FOXP1: variants seen among roughly 807,000 people sequenced by gnomAD.
FOXP1 encodes the protein forkhead box protein P1.
A neutral mutation model predicts 98.2 loss-of-function variants in FOXP1; 15 were observed. That is an observed-to-expected ratio of 0.15 (90% confidence interval 0.10 to 0.24). The LOEUF (loss-of-function observed/expected upper bound fraction) is 0.24, where lower values mean the gene tolerates loss of function less well. Ranked by LOEUF, FOXP1 falls within the 10% of genes least tolerant of loss-of-function variation. FOXP1 has a pLI of 1.00. For missense variants in FOXP1, 633 were observed against 848.5 expected (o/e 0.75, Z 3.15); for synonymous variants, 371 against 314.5 (o/e 1.18, Z -1.90).
In FOXP1 at chr3:71,504,736, G is replaced by A. The variant is rs80035146; in HGVS notation, c.-297-11181C>T. 3.3e-5 allele frequency among the ~76,000 whole-genome samples: 5 copies of A among 152,238 alleles called. No homozygotes were observed. In the East Asian group the frequency reaches 9.7e-4, roughly 29 times the overall value. On this transcript the variant is annotated intron_variant, in intron 2 of 20. Coordinates refer to ENST00000649528, the MANE Select transcript of FOXP1 (RefSeq NM_001349338.3). ...ACAATGTCATCAAGAAAAGTGTCAC[G>A]GAGCCCAAGTGGTGACATTTCTGTT...
intron 6 of FOXP1, among the ~76,000 whole-genome samples, chr3:71,176,743 C>CAAAAAAA (rs573639526): frequency 1.5e-4 from 11 of 75,546 alleles, no homozygotes; most frequent in African/African-American, 6.8e-4. Flanking sequence ...GAGGCTATCT[C>CAAAAAAA]AAAAAAAAAA....
At chr3:71,412,551 G>A (rs145894560) in intron 3 of FOXP1, among the ~76,000 whole-genome samples, 5 of 152,110 alleles carry the variant, frequency 3.3e-5, no homozygotes, top group Admixed American at 6.5e-5. Flanking sequence ...GCATAAGAAC[G>A]CCCAACTACC....
At chr3:71,467,535 T>G (rs1369730736) in intron 3 of FOXP1, among the ~76,000 whole-genome samples, 2 of 152,220 alleles carry the variant, frequency 1.3e-5, no homozygotes, top group African/African-American at 4.8e-5. Flanking sequence ...GTTCAAGGTG[T>G]GTCCTCAGCC....
At chr3:71,147,908 T>C (rs2060388073) in intron 6 of FOXP1, among the ~76,000 whole-genome samples, 1 of 152,188 alleles carries the variant, frequency 6.6e-6, no homozygotes, top group Admixed American at 6.5e-5. Flanking sequence ...AGAATTATGT[T>C]AAAACTGAAT....
chr3:71,468,751 T>C (rs2106641492), intron 3 of FOXP1, among the ~76,000 whole-genome samples: 1 of 152,348 alleles, frequency 6.6e-6, no homozygotes, highest in African/African-American at 2.4e-5. Flanking sequence ...GACTCTTTCA[T>C]GGACTCTCAT....
intron 4 of FOXP1, among the ~76,000 whole-genome samples, chr3:71,315,100 A>G (rs796617903): frequency 0.021 from 3,029 of 141,236 alleles, 126 homozygotes; most frequent in African/African-American, 0.074. Flanking sequence ...AAAAAAAAAA[A>G]AAAAAAAGAA....
intron 6 of FOXP1, among the ~76,000 whole-genome samples, chr3:71,197,033 T>C (rs1167595377): frequency 2.6e-5 from 4 of 152,344 alleles, no homozygotes; most frequent in Admixed American, 2.6e-4. Flanking sequence ...TCATTCCTTA[T>C]TCCTTAAAAA....
At chr3:71,392,110 T>C (rs966557898) in intron 3 of FOXP1, among the ~76,000 whole-genome samples, 2 of 152,228 alleles carry the variant, frequency 1.3e-5, no homozygotes, top group African/African-American at 4.8e-5. Context: ...TGGGTTATGA[T>C]ATCAGATTGG....
rs1274162147 is a variant in FOXP1, at chr3:71,195,478, A to G, written c.180+2724T>C. Among the ~76,000 whole-genome samples the G allele has an allele frequency of 6.6e-5, 10 of 152,318 alleles. No homozygotes were observed. The East Asian group carries it at 1.7e-3, about 26-fold the overall frequency. ...ATTCAATATAACACACAGCGTAATT[A>G]ACTCGTTTTTATACCAGGCCCTTTT... On this transcript the variant is annotated intron_variant, in intron 6 of 20. Coordinates refer to ENST00000649528, the MANE Select transcript of FOXP1 (RefSeq NM_001349338.3).
chr3:70,995,425 T>G (rs961707894), intron 13 of FOXP1, among the ~76,000 whole-genome samples: 1 of 152,234 alleles, frequency 6.6e-6, no homozygotes, highest in African/African-American at 2.4e-5. Flanking sequence ...ATGGGAACTT[T>G]GCTCCATTCC....
chr3:71,210,161 T>C (rs981740207), intron 5 of FOXP1, among the ~76,000 whole-genome samples: 3 of 152,256 alleles, frequency 2.0e-5, no homozygotes, highest in Non-Finnish European at 2.9e-5. Context: ...TGTGTTGGTC[T>C]GCCCCAACCC....
intron 3 of FOXP1, among the ~76,000 whole-genome samples, chr3:71,411,477 C>T (rs1462018276): frequency 1.3e-5 from 2 of 152,174 alleles, no homozygotes; most frequent in African/African-American, 2.4e-5. Flanking sequence ...CATCCGCCAC[C>T]ATGCCCGGCT....
At chr3:71,550,340 C>T (rs1021968486) in intron 2 of FOXP1, among the ~76,000 whole-genome samples, 1 of 152,210 alleles carries the variant, frequency 6.6e-6, no homozygotes, top group African/African-American at 2.4e-5. Flanking sequence ...CCGCTGTTGA[C>T]CGTGAGCTAA....
At chr3:71,190,175 C>T (rs1297773246) in intron 6 of FOXP1, among the ~76,000 whole-genome samples, 1 of 152,142 alleles carries the variant, frequency 6.6e-6, no homozygotes, top group Admixed American at 6.5e-5. Context: ...CACCATCTTC[C>T]CATCTTCCTA....
intron 7 of FOXP1, among the ~76,000 whole-genome samples, chr3:71,097,527 G>A (rs2056579047): frequency 6.6e-6 from 1 of 152,164 alleles, no homozygotes; most frequent in Admixed American, 6.5e-5. Context: ...ATCATAAAAA[G>A]TTCCAAGCAA....
intron 4 of FOXP1, among the ~76,000 whole-genome samples, 162 bp downstream of exon 4, chr3:71,358,988 G>T (rs1426073449): frequency 6.6e-6 from 1 of 152,150 alleles, no homozygotes; most frequent in African/African-American, 2.4e-5. Flanking sequence ...AGCTATCATG[G>T]GGGGTAGCAG....
intron 4 of FOXP1, among the ~76,000 whole-genome samples, chr3:71,331,457 G>A (rs545788054): frequency 4.9e-5 from 7 of 143,286 alleles, no homozygotes; most frequent in Middle Eastern, 3.5e-3. Context: ...CAGTCCCATC[G>A]ACCGCCCAAG....
At chr3:71,012,822 C>A (rs1576148772) in intron 12 of FOXP1, among the ~76,000 whole-genome samples, 1 of 152,216 alleles carries the variant, frequency 6.6e-6, no homozygotes, top group African/African-American at 2.4e-5. Flanking sequence ...GAGATGGTCC[C>A]CAACACCCAA....
intron 3 of FOXP1, among the ~76,000 whole-genome samples, chr3:71,454,794 TA>T (rs552352991): frequency 4.4e-5 from 4 of 91,856 alleles, no homozygotes; most frequent in Admixed American, 1.0e-4. Context: ...TTGTTTTCTT[TA>T]AAAAAAAAAA....
Sources: gnomAD v4.1 joint callset for allele counts (sites outside exome capture counted in the v4.1 genomes callset) on GRCh38, gnomAD v4.1.1 for gene constraint, MANE v1.5 for transcripts, NCBI Gene and HGNC (gene_info 2026-07-23, HGNC 2026-07-21) for gene names.